Variants in MBNL2 observed in about 807,000 individuals in gnomAD.
The protein encoded by MBNL2 is muscleblind like splicing regulator 2.
In MBNL2, 17 loss-of-function variants were observed where a neutral mutation model predicts 41.9. The observed-to-expected ratio is 0.41, with a 90% confidence interval of 0.28 to 0.61. The LOEUF (loss-of-function observed/expected upper bound fraction) is 0.61. Among genes scored for constraint, MBNL2 ranks in the 20% least tolerant of loss-of-function variants. The pLI is 0.35. For missense variants in MBNL2, 336 were observed against 505.6 expected, an observed-to-expected ratio of 0.66 and a Z score of 3.22; for synonymous variants, 195 against 182.9, an observed-to-expected ratio of 1.07 and a Z score of -0.53.
At chr13:97,200,563 CAA>C in the MBNL2 span, among the ~76,000 whole-genome samples, 1 of 152,030 alleles carries the variant, frequency 6.6e-6, no homozygotes, top group Non-Finnish European at 1.5e-5. Flanking sequence ...CATTGGACAA[CAA>C]AAAAATCCTC....
intron 1 of MBNL2, among the ~76,000 whole-genome samples, chr13:97,262,212 G>C (rs2048771724): frequency 6.6e-6 from 1 of 152,178 alleles, no homozygotes; most frequent in Admixed American, 6.5e-5. Flanking sequence ...GCAGCAGCAA[G>C]TGCTCCAAAT....
the MBNL2 span, among the ~76,000 whole-genome samples, chr13:97,210,396 A>AGTCTTT: frequency 6.6e-6 from 1 of 152,146 alleles, no homozygotes; most frequent in Admixed American, 6.6e-5. Context: ...TTATAAAGGA[A>AGTCTTT]GTCTTTGTCT....
the MBNL2 span, among the ~76,000 whole-genome samples, chr13:97,190,551 A>G: frequency 1.8e-3 from 274 of 152,348 alleles, 1 homozygote; most frequent in South Asian, 0.012. Flanking sequence ...TAGCAGAAAA[A>G]CAATGGACTT....
chr13:97,145,685 G>A, the MBNL2 span, among the ~76,000 whole-genome samples: 1 of 152,212 alleles, frequency 6.6e-6, no homozygotes, highest in African/African-American at 2.4e-5. Context: ...TATGGGCATT[G>A]GATGGTGTTT....
At position 97,334,218 on chromosome 13, in the gene MBNL2, T is replaced by A; in HGVS notation, c.175-58T>A. 7.2e-7 allele frequency: 1 copy of A among 1,387,132 alleles called. No individual in the cohort carries two copies. Among genetic ancestry groups the A allele is most frequent in the Non-Finnish European group, 1.0e-6 (1 of 1,000,616 alleles). The allele number at this position is 1,387,132 out of a possible 1,614,324, so 85.9% of individuals were successfully genotyped here. A position where few individuals can be genotyped will look rare whatever the true frequency, so the allele number is the denominator to read the frequency against. On this transcript the variant is annotated intron_variant, in intron 2 of 8. Transcript: ENST00000679496. The surrounding 1 kb of genome is among the most constrained non-coding windows in gnomAD (Gnocchi z 5.3). ...GCATAAGAAGTGATTGTTCAGTGGT[T>A]GACTTTGGAGTTGCAAGCTACTTAA...
chr13:97,346,660 C>T lies in MBNL2; in HGVS notation c.541-144C>T, dbSNP rs1328898996. On this transcript the variant is annotated intron_variant, in intron 4 of 8. Coordinates refer to ENST00000679496, the MANE Select transcript of MBNL2 (RefSeq NM_001382683.1). The surrounding 1 kb of genome is among the most constrained non-coding windows in gnomAD (Gnocchi z 4.2). The stretch of plus-strand genomic sequence containing the variant: ...TCAGAGATTGTGGTTACCTGGGCTC[C>T]GCATAATCAATCTTTTCTTGTCAGT... 2.4e-5 allele frequency: 15 copies of T among 615,648 alleles called. No individual in the cohort carries two copies. Among genetic ancestry groups the T allele is most frequent in the Middle Eastern group, 4.4e-4 (1 of 2,292 alleles). The allele number at this position is 615,648 out of a possible 1,614,324, so 38.1% of individuals were successfully genotyped here.
chr13:97,225,243 C>T (rs2041423047), intron 1 of MBNL2, among the ~76,000 whole-genome samples: 1 of 152,152 alleles, frequency 6.6e-6, no homozygotes, highest in African/African-American at 2.4e-5. Flanking sequence ...GATTTAGATG[C>T]TGAGCTTAAG....
At chr13:97,229,775 C>T (rs1203474097) in intron 1 of MBNL2, among the ~76,000 whole-genome samples, 2 of 152,146 alleles carry the variant, frequency 1.3e-5, no homozygotes, top group African/African-American at 2.4e-5. Flanking sequence ...AGTTTAATTT[C>T]ATTACCTATA....
At chr13:97,149,943 C>A in the MBNL2 span, among the ~76,000 whole-genome samples, 16,422 of 152,256 alleles carry the variant, frequency 0.11, 986 homozygotes, top group East Asian at 0.17. Flanking sequence ...TAAAACACCC[C>A]CCTATATCAC....
the MBNL2 span, among the ~76,000 whole-genome samples, chr13:97,208,926 G>A: frequency 6.6e-6 from 1 of 152,070 alleles, no homozygotes; most frequent in Non-Finnish European, 1.5e-5. Flanking sequence ...CAGTGGCCCT[G>A]GACATAAACT....
At chr13:97,347,203 G>C in intron 5 of MBNL2, 136 bp downstream of exon 5, 1 of 695,820 alleles carries the variant, frequency 1.4e-6, no homozygotes, top group Non-Finnish European at 2.3e-6. Flanking sequence ...CCTAAGTTTT[G>C]CTGTTGTTTT....
chr13:97,144,096 G>A, the MBNL2 span, among the ~76,000 whole-genome samples: 3 of 152,238 alleles, frequency 2.0e-5, no homozygotes, highest in Non-Finnish European at 2.9e-5. Context: ...TGCCTTCCTC[G>A]GCCTCCCAAA....
At chr13:97,241,970 T>C (rs964300661) in intron 1 of MBNL2, among the ~76,000 whole-genome samples, 4 of 152,182 alleles carry the variant, frequency 2.6e-5, no homozygotes, top group Non-Finnish European at 2.9e-5. Flanking sequence ...TGAGCTCTTA[T>C]TGTGTGCACA....
At chr13:97,169,384 CAT>C in the MBNL2 span, among the ~76,000 whole-genome samples, 11 of 152,128 alleles carry the variant, frequency 7.2e-5, no homozygotes, top group Non-Finnish European at 1.5e-4. Flanking sequence ...GGACACCAGA[CAT>C]AGAGTGGTGA....
At chr13:97,179,343 C>T in the MBNL2 span, 1 of 152,330 alleles carries the variant, frequency 6.6e-6, no homozygotes, top group Non-Finnish European at 1.5e-5. Flanking sequence ...CAACTTCTGA[C>T]TCTCTATTTT....
intron 5 of MBNL2, among the ~76,000 whole-genome samples, chr13:97,354,923 T>C (rs910753749): frequency 5.3e-5 from 8 of 152,222 alleles, no homozygotes; most frequent in African/African-American, 1.9e-4. Context: ...ATGTTCTCAA[T>C]GTGCTCTATG....
intron 1 of MBNL2, among the ~76,000 whole-genome samples, chr13:97,237,644 A>G (rs758550217): frequency 6.6e-6 from 1 of 152,194 alleles, no homozygotes; most frequent in Non-Finnish European, 1.5e-5. Context: ...CATTGTGTGC[A>G]CCTGAAAAGC....
At chr13:97,246,542 G>A (rs1422578720) in intron 1 of MBNL2, among the ~76,000 whole-genome samples, 1 of 152,124 alleles carries the variant, frequency 6.6e-6, no homozygotes, top group African/African-American at 2.4e-5. Flanking sequence ...TGTGTAAATT[G>A]AACTTCTAAT....
chr13:97,293,211 G>A (rs977449641), intron 2 of MBNL2, among the ~76,000 whole-genome samples: 2 of 152,030 alleles, frequency 1.3e-5, no homozygotes, highest in Non-Finnish European at 2.9e-5. Context: ...ACAAAAAATA[G>A]TTTTGGCTGT....
Sources: gnomAD v4.1 joint callset for allele counts (sites outside exome capture counted in the v4.1 genomes callset) on GRCh38, gnomAD v4.1.1 for gene constraint, Gnocchi (gnomAD v3.1) non-coding constraint, MANE v1.5 for transcripts, NCBI Gene and HGNC (gene_info 2026-07-23, HGNC 2026-07-21) for gene names.